Variants in MAS1 observed in about 807,000 individuals in gnomAD.
The protein encoded by MAS1 is MAS1 proto-oncogene, G protein-coupled receptor, also known as proto-oncogene Mas.
For missense variants in MAS1, 387 were observed against 409.7 expected (o/e 0.94, Z 0.48); for synonymous variants, 163 against 164.2 (o/e 0.99, Z 0.05).
chr6:159,895,320 A>G (rs1782742104), intron 1 of MAS1, among the ~76,000 whole-genome samples: 1 of 152,134 alleles, frequency 6.6e-6, no homozygotes, highest in South Asian at 2.1e-4. Flanking sequence ...TGGAAAAACA[A>G]GGGGGTGGTT....
intron 1 of MAS1, among the ~76,000 whole-genome samples, chr6:159,893,075 T>C (rs1036708785): frequency 1.3e-5 from 2 of 152,190 alleles, no homozygotes; most frequent in African/African-American, 4.8e-5. Context: ...TCAAAACCCC[T>C]CTTCTCAAAA....
At chr6:159,890,854 C>A (rs899096677), upstream of MAS1, among the ~76,000 whole-genome samples, 1 of 152,262 alleles carries the variant, frequency 6.6e-6, no homozygotes, top group East Asian at 1.9e-4. Flanking sequence ...CCAGCTCACA[C>A]CCCGCTCTGG....
chr6:159,901,172 G>A (rs1288772831), intron 2 of MAS1, among the ~76,000 whole-genome samples: 1 of 152,106 alleles, frequency 6.6e-6, no homozygotes, highest in Non-Finnish European at 1.5e-5. Context: ...TATTGGATTA[G>A]GGCCCCACTC....
chr6:159,896,177 C>G (rs1782752130), intron 1 of MAS1, among the ~76,000 whole-genome samples: 1 of 152,134 alleles, frequency 6.6e-6, no homozygotes, highest in Admixed American at 6.5e-5. Flanking sequence ...GGCATGGTGG[C>G]AAGTGCTCTA....
In MAS1 at chr6:159,909,257, T is replaced by C. The variant is rs1314999263; in HGVS notation, c.*1324T>C. ...AGGAGTTCCACAAAAGGGCAATATG[T>C]CACATGATTCTACAGGTTGTAAAAT... On this transcript the variant is annotated 3_prime_UTR_variant, in exon 3 of 3. Coordinates refer to ENST00000674077, the MANE Select transcript of MAS1 (RefSeq NM_002377.4). 2 of 152,214 alleles carry C rather than the reference T, an allele frequency of 1.3e-5. No homozygotes were observed. The highest frequency in any genetic ancestry group is 4.8e-5 in the African/African-American group (2 of 41,444). The allele number at this position is 152,214 out of a possible 1,614,324, so 9.4% of individuals were successfully genotyped here.
Position 159,908,534 on chromosome 6 carries a change from C to CACAT in MAS1, c.*604_*605insTACA, listed in dbSNP as rs746640204. ...GCACACACACACACACACACACACACACACACACACAGCTCTATCATGTAC... is the reference window on the plus strand; with the variant it reads ...GCACACACACACACACACACACACACACATACACACACACAGCTCTATCATGTAC... On this transcript the variant is annotated 3_prime_UTR_variant, in exon 3 of 3. Coordinates refer to ENST00000674077, the MANE Select transcript of MAS1 (RefSeq NM_002377.4). 1 of 143,036 alleles carries CACAT rather than the reference C, an allele frequency of 7.0e-6. No individual in the cohort carries two copies. The highest frequency in any genetic ancestry group is 1.9e-4 in the East Asian group (1 of 5,138). 8.9% of individuals were successfully genotyped at this position (143,036 alleles called of 1,614,324 possible). A position where few individuals can be genotyped will look rare whatever the true frequency, so the allele number is the denominator to read the frequency against.
At position 159,909,382 on chromosome 6, in the gene MAS1, G is replaced by A. The variant is rs1782939541; in HGVS notation, c.*1449G>A. The A allele has an allele frequency of 6.6e-6, 1 of 152,316 alleles. No individual in the cohort carries two copies. Among genetic ancestry groups the A allele is most frequent in the African/African-American group, 2.4e-5 (1 of 41,570 alleles). The allele number at this position is 152,316 out of a possible 1,614,324, so 9.4% of individuals were successfully genotyped here. On this transcript the variant is annotated 3_prime_UTR_variant, in exon 3 of 3. Coordinates refer to ENST00000674077, the MANE Select transcript of MAS1 (RefSeq NM_002377.4). ...ATGTAATTGTTCTCTGTTGCTGCTT[G>A]TCCTTCCCCATCCTCTTCCTTTCTC...
rs747751092 is a variant in MAS1, at chr6:159,907,080, T to C, written c.125T>C (p.Ile42Thr). ...ATCGTGCACTGGGTCATTATGAGCA[T>C]CTCCCCAGTGGGGTTTGTTGAGAAT... The part of the protein sequence containing the change: ...IPIVHWVIMS[I>T]SPVGFVENGI... The change falls in exon 3 of 3, where the codon ATC (isoleucine) becomes ACC (threonine). Residue 42 changes from isoleucine (I) to threonine (T), a missense_variant. By Grantham distance (89) the Ile-to-Thr change is moderately conservative (BLOSUM62 -1). Transcript: ENST00000674077. 1.4e-5 allele frequency: 23 copies of C among 1,614,048 alleles called. No individual in the cohort carries two copies. In the East Asian group the frequency reaches 5.1e-4, roughly 36 times the overall value.
At chr6:159,906,162 G>C (rs938669123) in intron 2 of MAS1, among the ~76,000 whole-genome samples, 2 of 152,082 alleles carry the variant, frequency 1.3e-5, no homozygotes, top group African/African-American at 4.8e-5. Context: ...ATTTTTTTGA[G>C]TGCTTTGTCT....
upstream of MAS1, among the ~76,000 whole-genome samples, chr6:159,889,147 C>A (rs1782670388): frequency 6.6e-6 from 1 of 152,204 alleles, no homozygotes; most frequent in Admixed American, 6.5e-5. Flanking sequence ...CATCGGGCCA[C>A]CCTGGCTTCC....
At chr6:159,902,097 G>A (rs1173978991) in intron 2 of MAS1, 1 of 152,030 alleles carries the variant, frequency 6.6e-6, no homozygotes, top group Non-Finnish European at 1.5e-5. Flanking sequence ...GGTGACCTGG[G>A]GTAACTGAGA....
At chr6:159,904,205 T>C (rs1782855075) in intron 2 of MAS1, among the ~76,000 whole-genome samples, 1 of 152,134 alleles carries the variant, frequency 6.6e-6, no homozygotes, top group Admixed American at 6.5e-5. Context: ...GAATGTCTTC[T>C]CCTTTTTAAT....
rs764750635 is a variant in MAS1 at position 159,907,690 on chromosome 6, A to T, written c.735A>T (p.Arg245Ser). The change falls in exon 3 of 3, where the codon AGA (arginine) becomes AGT (serine). Residue 245 changes from arginine (R) to serine (S), a missense_variant. Coordinates refer to ENST00000674077, the MANE Select transcript of MAS1 (RefSeq NM_002377.4). ...TCCTCATCTTCGCTATGCCCATGAG[A>T]CTCCTTTACCTGCTGTACTATGAGT... Reference protein sequence around the residue: ...IIFLIFAMPMRLLYLLYYEYW... With the variant: ...IIFLIFAMPMSLLYLLYYEYW... 1.2e-6 allele frequency: 2 copies of T among 1,612,854 alleles called. No homozygotes were observed. Among genetic ancestry groups the T allele is most frequent in the South Asian group, 1.1e-5 (1 of 90,976 alleles).
chr6:159,898,290 A>G (rs551991429), intron 1 of MAS1, among the ~76,000 whole-genome samples: 1 of 152,210 alleles, frequency 6.6e-6, no homozygotes, highest in East Asian at 1.9e-4. Flanking sequence ...ACTTAAGTAT[A>G]GAGAGGCTGT....
intron 1 of MAS1, among the ~76,000 whole-genome samples, chr6:159,895,227 G>A (rs986058703): frequency 1.3e-5 from 2 of 152,158 alleles, no homozygotes; most frequent in Non-Finnish European, 2.9e-5. Flanking sequence ...GTGCCAATTT[G>A]GACCTGGGGC....
intron 1 of MAS1, among the ~76,000 whole-genome samples, chr6:159,896,782 A>G (rs1782757907): frequency 6.6e-6 from 1 of 152,220 alleles, no homozygotes; most frequent in Non-Finnish European, 1.5e-5. Flanking sequence ...AGTTTAATTC[A>G]TACAGAGCCA....
intron 1 of MAS1, among the ~76,000 whole-genome samples, 170 bp downstream of exon 1, chr6:159,891,303 TTC>T (rs1782697145): frequency 6.6e-6 from 1 of 152,268 alleles, no homozygotes; most frequent in Non-Finnish European, 1.5e-5. Flanking sequence ...TGGCAAAAAC[TTC>T]TCTTTCCTCC....
rs1460255562 is a variant in MAS1 at position 159,908,072 on chromosome 6, T to C, written c.*139T>C. Reference sequence around the variant, plus strand: ...ATATGCATGAGATACTAATTAATGATGAAATTGAACTCTTGTACTGTATCT... The same window carrying C: ...ATATGCATGAGATACTAATTAATGACGAAATTGAACTCTTGTACTGTATCT... On this transcript the variant is annotated 3_prime_UTR_variant, in exon 3 of 3. Transcript: ENST00000674077. 6.2e-5 allele frequency: 59 copies of C among 955,394 alleles called. No homozygotes were observed. The highest frequency in any genetic ancestry group is 3.4e-4 in the Middle Eastern group (1 of 2,900). The allele number at this position is 955,394 out of a possible 1,614,324, so 59.2% of individuals were successfully genotyped here.
rs531829398 is a variant in MAS1, at chr6:159,891,023, C to T, written c.-354C>T. On this transcript the variant is annotated 5_prime_UTR_variant, in exon 1 of 3. Coordinates refer to ENST00000674077, the MANE Select transcript of MAS1 (RefSeq NM_002377.4). ...GAGATGAGAGGCTGCAGCCATCCTT[C>T]GAGATGTTGGGACCGGAGACCCTGC... Among the ~76,000 whole-genome samples the T allele has an allele frequency of 6.1e-4, 93 of 152,292 alleles. No homozygotes were observed. The highest frequency in any genetic ancestry group is 2.1e-3 in the African/African-American group (86 of 41,566).
Sources: gnomAD v4.1 joint callset for allele counts (sites outside exome capture counted in the v4.1 genomes callset) on GRCh38, gnomAD v4.1.1 for gene constraint, MANE v1.5 for transcripts, NCBI Gene and HGNC (gene_info 2026-07-23, HGNC 2026-07-21) for gene names.